Variants in EPC2 observed in about 807,000 individuals in gnomAD.
The protein encoded by EPC2 is enhancer of polycomb 2.
In EPC2, 14 loss-of-function variants were observed where a neutral mutation model predicts 92.1. That is an observed-to-expected ratio of 0.15 (90% CI 0.10 to 0.24). The LOEUF is 0.24. Among genes scored for constraint, EPC2 ranks in the 10% least tolerant of loss-of-function variants. The pLI is 1.00. For synonymous variants in EPC2, 340 were observed against 334.7 expected, an observed-to-expected ratio of 1.02 and a Z score of -0.17; for missense variants, 755 against 971.5, an observed-to-expected ratio of 0.78 and a Z score of 2.96.
rs1218857283 is a variant in EPC2 at position 148,689,005 on chromosome 2, GAAAA to G, written c.154-1204_154-1201del. Reference sequence around the variant, plus strand: ...AGAGGAGGAGTACTCTTTTAGATTAGAAAAAAAAGTCACGGAAGGCCTCTCTGCT... The same window carrying G: ...AGAGGAGGAGTACTCTTTTAGATTAGAAAAGTCACGGAAGGCCTCTCTGCT... On this transcript the variant is annotated intron_variant, in intron 1 of 13. Transcript: ENST00000258484. Among the ~76,000 whole-genome samples, 3 of 151,738 alleles carry G rather than the reference GAAAA, an allele frequency of 2.0e-5. No individual in the cohort carries two copies. In the East Asian group the frequency reaches 5.8e-4, roughly 29 times the overall value.
chr2:148,761,661 A>C, intron 4 of EPC2, 121 bp from the exon 5 acceptor site: 1 of 625,986 alleles, frequency 1.6e-6, no homozygotes, highest in Non-Finnish European at 2.5e-6. Flanking sequence ...GTTGCTGTTC[A>C]GATTTTTTTT....
intron 1 of EPC2, among the ~76,000 whole-genome samples, chr2:148,659,216 CTG>C (rs980362491): frequency 6.6e-6 from 1 of 152,214 alleles, no homozygotes; most frequent in East Asian, 1.9e-4. Context: ...TTAATGGAGT[CTG>C]TGAACTTTCT....
intron 1 of EPC2, among the ~76,000 whole-genome samples, chr2:148,660,250 A>C (rs778231666): frequency 3.9e-5 from 6 of 152,168 alleles, no homozygotes; most frequent in Non-Finnish European, 7.4e-5. Context: ...AGATTGAAAA[A>C]TTTCAGGAAA....
chr2:148,786,299 C>A lies in EPC2; in HGVS notation c.2352-6C>A. 6.2e-7 allele frequency: 1 copy of A among 1,608,656 alleles called. No individual in the cohort carries two copies. Among genetic ancestry groups the A allele is most frequent in the Non-Finnish European group, 8.5e-7 (1 of 1,176,674 alleles). On this transcript the variant is annotated splice_region_variant and splice_polypyrimidine_tract_variant and intron_variant, in intron 13 of 13. Transcript: ENST00000258484. Reference sequence around the variant, plus strand: ...ATTTATTTTATCCTTTGCCTTATTACCATAGAGAGAACCACGAACCAGAAA... The same window carrying A: ...ATTTATTTTATCCTTTGCCTTATTAACATAGAGAGAACCACGAACCAGAAA...
intron 1 of EPC2, among the ~76,000 whole-genome samples, chr2:148,668,085 GAC>G (rs1681088083): frequency 6.6e-6 from 1 of 152,128 alleles, no homozygotes; most frequent in Non-Finnish European, 1.5e-5. Flanking sequence ...TTTTAGTAGA[GAC>G]AGTCTTTCAC....
intron 3 of EPC2, among the ~76,000 whole-genome samples, chr2:148,750,322 G>C (rs778727302): frequency 1.3e-5 from 2 of 151,842 alleles, no homozygotes; most frequent in Non-Finnish European, 1.5e-5. Context: ...TCATTTAGCT[G>C]TATTGCATTA....
chr2:148,707,526 C>A (rs890556968), intron 2 of EPC2, among the ~76,000 whole-genome samples: 5 of 152,182 alleles, frequency 3.3e-5, no homozygotes, highest in Admixed American at 1.3e-4. Flanking sequence ...ACTCTCCACC[C>A]CAAATCAACA....
chr2:148,697,231 A>T (rs189053169), intron 2 of EPC2, among the ~76,000 whole-genome samples: 1 of 152,294 alleles, frequency 6.6e-6, no homozygotes, highest in African/African-American at 2.4e-5. Flanking sequence ...TCATCATTAC[A>T]AGTTGCAAAT....
intron 11 of EPC2, among the ~76,000 whole-genome samples, 164 bp from the exon 12 acceptor site, chr2:148,783,433 T>G (rs1683794500): frequency 6.6e-6 from 1 of 152,238 alleles, no homozygotes; most frequent in Non-Finnish European, 1.5e-5. Flanking sequence ...GTTTCCCTGC[T>G]TCATATGCCA....
chr2:148,722,831 T>C (rs967166540), intron 2 of EPC2, among the ~76,000 whole-genome samples: 3 of 152,152 alleles, frequency 2.0e-5, no homozygotes, highest in South Asian at 2.1e-4. Context: ...ACGATACATA[T>C]ATACATAGTC....
rs147323698 is a variant in EPC2, at chr2:148,681,722, C to G, written c.154-8492C>G. 3.6e-3 allele frequency among the ~76,000 whole-genome samples: 546 copies of G among 151,476 alleles called. 7 individuals carry two copies. Among genetic ancestry groups the G allele is most frequent in the African/African-American group, 0.012 (494 of 41,318 alleles). ...GGTTTGTTTGTTTGTTTGTTTCTTT[C>G]TTTCTTTTTTAATTATACTTTAAGT... is the stretch of plus-strand genomic sequence containing the variant. On this transcript the variant is annotated intron_variant, in intron 1 of 13. Transcript: ENST00000258484.
At chr2:148,737,170 T>C (rs974095910) in intron 2 of EPC2, among the ~76,000 whole-genome samples, 1 of 152,210 alleles carries the variant, frequency 6.6e-6, no homozygotes, top group African/African-American at 2.4e-5. Flanking sequence ...TTTCTTAGGG[T>C]ATTCCCACTA....
intron 2 of EPC2, among the ~76,000 whole-genome samples, chr2:148,713,258 A>C (rs760348267): frequency 2.0e-5 from 3 of 152,194 alleles, no homozygotes; most frequent in Non-Finnish European, 4.4e-5. Context: ...CAGTGGGACA[A>C]GATGTAGACA....
At chr2:148,682,969 T>G (rs1681434840) in intron 1 of EPC2, among the ~76,000 whole-genome samples, 1 of 152,232 alleles carries the variant, frequency 6.6e-6, no homozygotes, top group Non-Finnish European at 1.5e-5. Context: ...TACATTTGCT[T>G]TTAATTTATA....
chr2:148,696,468 A>C (rs1681746120), intron 2 of EPC2, among the ~76,000 whole-genome samples: 1 of 152,240 alleles, frequency 6.6e-6, no homozygotes, highest in Admixed American at 6.5e-5. Flanking sequence ...AGTAAAATAC[A>C]ATGCAATAAA....
intron 2 of EPC2, among the ~76,000 whole-genome samples, chr2:148,721,675 A>G (rs1352567809): frequency 7.2e-6 from 1 of 139,606 alleles, no homozygotes; most frequent in Non-Finnish European, 1.6e-5. Context: ...AATTTGCATT[A>G]TGCATATTTA....
chr2:148,666,121 A>G (rs927329550), intron 1 of EPC2, among the ~76,000 whole-genome samples: 5 of 152,218 alleles, frequency 3.3e-5, no homozygotes, highest in Admixed American at 6.5e-5. Context: ...GTGAAAGACC[A>G]GTTTTTGTGT....
intron 2 of EPC2, among the ~76,000 whole-genome samples, chr2:148,734,301 C>A (rs1187023633): frequency 6.6e-6 from 1 of 151,764 alleles, no homozygotes; most frequent in African/African-American, 2.4e-5. Flanking sequence ...AAAAAATAAG[C>A]CAGAGAAATA....
chr2:148,783,996 G>T (rs1017912412), intron 12 of EPC2, among the ~76,000 whole-genome samples: 1 of 152,060 alleles, frequency 6.6e-6, no homozygotes, highest in African/African-American at 2.4e-5. Flanking sequence ...TACCCTTCCT[G>T]GTTTCATTCA....
Sources: allele counts gnomAD v4.1 joint callset (sites outside exome capture counted in the v4.1 genomes callset), GRCh38; gene constraint gnomAD v4.1.1; transcripts MANE v1.5; gene names NCBI Gene and HGNC (gene_info 2026-07-23, HGNC 2026-07-21).